SHB: variants seen among roughly 807,000 people sequenced by gnomAD.
SHB encodes SH2 domain-containing adapter protein B.
Under a neutral mutation model 52.3 loss-of-function variants are expected in SHB, and 20 were observed. The observed-to-expected ratio is 0.38, with a 90% CI of 0.27 to 0.56. The LOEUF is 0.56. Among genes scored for constraint, SHB ranks in the 20% least tolerant of loss-of-function variants. SHB has a pLI of 0.71. For synonymous variants in SHB, 397 were observed against 316.5 expected, an observed-to-expected ratio of 1.25 and a Z score of -2.70; for missense variants, 825 against 723.3, an observed-to-expected ratio of 1.14 and a Z score of -1.61.
chr9:37,945,965 T>C (rs1478746344), intron 5 of SHB, among the ~76,000 whole-genome samples: 1 of 152,150 alleles, frequency 6.6e-6, no homozygotes, highest in East Asian at 1.9e-4. Context: ...GTCCTTCCTG[T>C]GGCTCTTAAA....
At chr9:38,024,814 C>T (rs1821321087) in intron 1 of SHB, among the ~76,000 whole-genome samples, 1 of 152,132 alleles carries the variant, frequency 6.6e-6, no homozygotes, top group African/African-American at 2.4e-5. Context: ...CAAAAACACC[C>T]GGGGAGGGGT....
chr9:38,046,663 C>G (rs1401651589), intron 1 of SHB, among the ~76,000 whole-genome samples: 2 of 152,188 alleles, frequency 1.3e-5, no homozygotes, highest in Non-Finnish European at 2.9e-5. Context: ...TTGCCAGGGG[C>G]AGGACGCAAG....
At chr9:38,017,806 G>T (rs1288044934) in intron 1 of SHB, among the ~76,000 whole-genome samples, 2 of 152,234 alleles carry the variant, frequency 1.3e-5, no homozygotes, top group East Asian at 1.9e-4. Context: ...ATGACACCAG[G>T]CCAGGGAAAG....
At chr9:37,967,834 T>G (rs1334238050) in intron 3 of SHB, among the ~76,000 whole-genome samples, 3 of 152,182 alleles carry the variant, frequency 2.0e-5, no homozygotes, top group Non-Finnish European at 4.4e-5. Context: ...TCCACAGACA[T>G]GTCAGACCTA....
intron 1 of SHB, among the ~76,000 whole-genome samples, chr9:38,064,004 C>T (rs1294512048): frequency 6.6e-6 from 1 of 151,824 alleles, no homozygotes; most frequent in Non-Finnish European, 1.5e-5. Flanking sequence ...ATAAAAGAAA[C>T]AAGACTTCAG....
chr9:38,035,774 G>C (rs1386136175), intron 1 of SHB, among the ~76,000 whole-genome samples: 1 of 152,162 alleles, frequency 6.6e-6, no homozygotes, highest in Non-Finnish European at 1.5e-5. Flanking sequence ...GTTTAGTCCA[G>C]TGATTCTCAA....
At chr9:37,920,315 CA>C (rs1832164354) in intron 5 of SHB, among the ~76,000 whole-genome samples, 2 of 150,634 alleles carry the variant, frequency 1.3e-5, no homozygotes, top group African/African-American at 4.9e-5. Context: ...CAAAACAAAA[CA>C]AAACAAAACA....
chr9:37,988,232 AGGC>A, intron 2 of SHB, among the ~76,000 whole-genome samples: 1 of 152,184 alleles, frequency 6.6e-6, no homozygotes, highest in African/African-American at 2.4e-5. Context: ...AACAATGACG[AGGC>A]TGCCAGCCTG....
intron 4 of SHB, among the ~76,000 whole-genome samples, chr9:37,951,425 T>C (rs1587208241): frequency 6.6e-6 from 1 of 152,244 alleles, no homozygotes; most frequent in African/African-American, 2.4e-5. Context: ...TACATGGCTG[T>C]AATCAGGAGA....
At chr9:37,968,054 G>A (rs1478869333) in intron 3 of SHB, among the ~76,000 whole-genome samples, 2 of 152,236 alleles carry the variant, frequency 1.3e-5, no homozygotes, top group Non-Finnish European at 2.9e-5. Flanking sequence ...AACTGGGAAT[G>A]AGCTTTGGAA....
intron 2 of SHB, among the ~76,000 whole-genome samples, chr9:37,991,314 G>A (rs1406573671): frequency 2.0e-5 from 3 of 152,166 alleles, no homozygotes; most frequent in African/African-American, 7.2e-5. Context: ...GTCTGTGCAC[G>A]CTCTCCTCAG....
Position 37,915,901 on chromosome 9 carries a change from A to G in SHB, c.*3920T>C, listed in dbSNP as rs1013344965. Reference sequence around the variant, plus strand: ...AAGAAAAAAAAAAGACAAATGGTAAACAAGACACTTGTAGTATATTAAGAG... The same window carrying G: ...AAGAAAAAAAAAAGACAAATGGTAAGCAAGACACTTGTAGTATATTAAGAG... On this transcript the variant is annotated 3_prime_UTR_variant, in exon 6 of 6. Coordinates refer to ENST00000377707, the MANE Select transcript of SHB (RefSeq NM_003028.3). Among the ~76,000 whole-genome samples, 2 of 152,218 alleles carry G rather than the reference A, an allele frequency of 1.3e-5. No homozygotes were observed. The highest frequency in any genetic ancestry group is 2.9e-5 in the Non-Finnish European group (2 of 68,030).
intron 2 of SHB, among the ~76,000 whole-genome samples, chr9:37,997,763 G>A (rs1820967087): frequency 2.0e-5 from 3 of 152,188 alleles, no homozygotes; most frequent in Admixed American, 2.0e-4. Flanking sequence ...GAGACACGGA[G>A]GCCGAGGCAC....
intron 5 of SHB, among the ~76,000 whole-genome samples, chr9:37,940,482 G>A (rs1832422359): frequency 6.6e-6 from 1 of 152,118 alleles, no homozygotes; most frequent in Admixed American, 6.5e-5. Context: ...CTTTTAGAAG[G>A]AGAAAACACG....
intron 1 of SHB, among the ~76,000 whole-genome samples, chr9:38,020,031 G>T (rs1165015257): frequency 1.3e-5 from 2 of 152,174 alleles, no homozygotes; most frequent in East Asian, 3.8e-4. Flanking sequence ...ACAGAAACCT[G>T]TATCTCTATT....
intron 3 of SHB, among the ~76,000 whole-genome samples, chr9:37,957,028 C>A (rs1343689391): frequency 6.6e-6 from 1 of 152,196 alleles, no homozygotes. Context: ...CCTAAGCCTG[C>A]CAATGATTAG....
At chr9:38,003,761 C>T (rs1265159666) in intron 2 of SHB, among the ~76,000 whole-genome samples, 1 of 152,234 alleles carries the variant, frequency 6.6e-6, no homozygotes, top group East Asian at 1.9e-4. Context: ...TGGCTCAGCA[C>T]TAACCCTTCC....
intron 1 of SHB, among the ~76,000 whole-genome samples, chr9:38,042,996 C>T (rs924744174): frequency 6.6e-6 from 1 of 152,150 alleles, no homozygotes; most frequent in African/African-American, 2.4e-5. Flanking sequence ...AGCTCCAGTC[C>T]TCTACCTTTC....
At position 38,057,606 on chromosome 9, in the gene SHB, C is replaced by T. The variant is rs137977272; in HGVS notation, c.717+10323G>A. Reference sequence around the variant, plus strand: ...ACCATGCCATTCCGCAAATGCCATGCAGTCCCCGATCACATGTGTGGCTTT... The same window carrying T: ...ACCATGCCATTCCGCAAATGCCATGTAGTCCCCGATCACATGTGTGGCTTT... On this transcript the variant is annotated intron_variant, in intron 1 of 5. Coordinates refer to ENST00000377707, the MANE Select transcript of SHB (RefSeq NM_003028.3). Among the ~76,000 whole-genome samples, 667 of 152,350 alleles carry T rather than the reference C, an allele frequency of 4.4e-3. 4 individuals are homozygous for T. Among genetic ancestry groups the T allele is most frequent in the African/African-American group, 0.015 (616 of 41,570 alleles).
Sources: allele counts gnomAD v4.1 joint callset (sites outside exome capture counted in the v4.1 genomes callset), GRCh38; gene constraint gnomAD v4.1.1; transcripts MANE v1.5; gene names NCBI Gene and HGNC (gene_info 2026-07-23, HGNC 2026-07-21).